GEMIN2: variants seen among roughly 807,000 people sequenced by gnomAD.
GEMIN2 encodes gem nuclear organelle associated protein 2.
Under a neutral mutation model 45.8 loss-of-function variants are expected in GEMIN2, and 37 were observed. The observed-to-expected ratio is 0.81, with a 90% CI of 0.62 to 1.06. The LOEUF (loss-of-function observed/expected upper bound fraction) is 1.06, where lower values mean the gene tolerates loss of function less well. GEMIN2 is among the 50% of genes least tolerant of loss of function. The pLI is 0.00. For synonymous variants in GEMIN2, 101 were observed against 111.5 expected (o/e 0.91, Z 0.60); for missense variants, 335 against 321.8 (o/e 1.04, Z -0.31).
rs17092058 is a variant in GEMIN2, at chr14:39,131,896, T to G, written c.601-62T>G. 8.8e-3 allele frequency: 7,137 copies of G among 808,316 alleles called. 323 individuals are homozygous for G. The African/African-American group carries it at 0.1, about 12-fold the overall frequency. The allele number at this position is 808,316 out of a possible 1,614,324, so 50.1% of individuals were successfully genotyped here. ...GATAATCAGGCATAACATTGGACAT[T>G]TAAAAAATAAACTTCTGGTTCAGTA... On this transcript the variant is annotated intron_variant, in intron 7 of 9. Transcript: ENST00000308317.
intron 4 of GEMIN2, among the ~76,000 whole-genome samples, chr14:39,121,067 C>T (rs1297854165): frequency 6.6e-6 from 1 of 152,310 alleles, no homozygotes; most frequent in African/African-American, 2.4e-5. Context: ...TTTGACTGGA[C>T]AACCCTTCAA....
chr14:39,133,467 ATAGTCT>A (rs1454756137), intron 8 of GEMIN2, among the ~76,000 whole-genome samples, 188 bp from the exon 9 acceptor site: 3 of 150,746 alleles, frequency 2.0e-5, no homozygotes, highest in Non-Finnish European at 4.4e-5. Context: ...TATTTAAAAG[ATAGTCT>A]TAGATGTTTC....
In GEMIN2 at chr14:39,133,360, G is replaced by A. The variant is rs567884731; in HGVS notation, c.712-301G>A. On this transcript the variant is annotated intron_variant, in intron 8 of 9. Transcript: ENST00000308317. ...TCATCACTGTACAGTTAAGACACAG[G>A]ATTCTTATTGTTCCTTTAGTAGGAA... 3.4e-5 allele frequency among the ~76,000 whole-genome samples: 5 copies of A among 148,546 alleles called. No homozygotes were observed. In the South Asian group the frequency reaches 8.4e-4, roughly 25 times the overall value.
rs2079241538 is a variant in GEMIN2 at position 39,114,886 on chromosome 14, G to C, written c.195G>C (p.Leu65Phe). ...VVVAQIDPKK[L>F]KRKQSVNISL... is the part of the protein sequence containing the mutation. ...TAGCTCAAATTGACCCAAAGAAGTTGAAAAGGAAGCAAAGTGTGAATATTT... is the reference window on the plus strand; with the variant it reads ...TAGCTCAAATTGACCCAAAGAAGTTCAAAAGGAAGCAAAGTGTGAATATTT... Residue 65 changes from leucine (L) to phenylalanine (F), a missense_variant, in exon 2 of 10, where the codon TTG becomes TTC. Transcript: ENST00000308317. The C allele has an allele frequency of 6.4e-7, 1 of 1,560,572 alleles. No homozygotes were observed. Among genetic ancestry groups the C allele is most frequent in the South Asian group, 1.1e-5 (1 of 90,000 alleles).
At chr14:39,121,456 C>T (rs1303815398) in intron 4 of GEMIN2, among the ~76,000 whole-genome samples, 1 of 152,146 alleles carries the variant, frequency 6.6e-6, no homozygotes, top group Non-Finnish European at 1.5e-5. Flanking sequence ...ATTATTTGAG[C>T]CCGAGATTCA....
intron 7 of GEMIN2, among the ~76,000 whole-genome samples, chr14:39,131,010 T>C (rs938693822): frequency 4.6e-5 from 7 of 151,098 alleles, no homozygotes; most frequent in South Asian, 4.2e-4. Flanking sequence ...TGAAAAAAGG[T>C]TGTACAGCCG....
chr14:39,129,611 C>T (rs2052689091), intron 7 of GEMIN2, among the ~76,000 whole-genome samples: 1 of 152,092 alleles, frequency 6.6e-6, no homozygotes, highest in African/African-American at 2.4e-5. Flanking sequence ...CAGGCTTTCT[C>T]CATGTTGGCC....
Position 39,136,569 on chromosome 14 carries a change from C to T in GEMIN2, c.*90C>T. 2 of 974,114 alleles carry T rather than the reference C, an allele frequency of 2.1e-6. No homozygotes were observed. Among genetic ancestry groups the T allele is most frequent in the Admixed American group, 1.8e-5 (1 of 56,816 alleles). The allele number at this position is 974,114 out of a possible 1,614,324, so 60.3% of individuals were successfully genotyped here. ...ATGCCAATTCAAGTACAGATTTCAACACATCTTCAACACTATGTGAAGGGT... is the reference window on the plus strand; with the variant it reads ...ATGCCAATTCAAGTACAGATTTCAATACATCTTCAACACTATGTGAAGGGT... On this transcript the variant is annotated 3_prime_UTR_variant, in exon 10 of 10. Coordinates refer to ENST00000308317, the MANE Select transcript of GEMIN2 (RefSeq NM_003616.3).
rs2052760361 is a variant in GEMIN2, at chr14:39,134,609, C to T, written c.770+890C>T. Among the ~76,000 whole-genome samples the T allele has an allele frequency of 2.0e-5, 3 of 152,116 alleles. No homozygotes were observed. In the South Asian group the frequency reaches 6.2e-4, roughly 31 times the overall value. The stretch of plus-strand genomic sequence containing the variant: ...ATTCAATATCTAGTTTCTTGATCTA[C>T]AATAATTATGCTGCTGATGATAATT... On this transcript the variant is annotated intron_variant, in intron 9 of 9. Transcript: ENST00000308317.
rs774990345 is a variant in GEMIN2 at position 39,114,401 on chromosome 14, G to A, written c.63G>A (p.Glu21=). 10 of 1,614,008 alleles carry A rather than the reference G, an allele frequency of 6.2e-6. No homozygotes were observed. The highest frequency in any genetic ancestry group is 1.3e-5 in the African/African-American group (1 of 75,054). ...TGATGCCTCGGCTATTGCCGGTAGA[G>A]CCTTGCGACTTGACGGAAGGTTTCG... ...EELMPRLLPV[E]PCDLTEGFDP... Residue 21 remains glutamate, a synonymous_variant, in exon 1 of 10, where the codon GAG becomes GAA. Coordinates refer to ENST00000308317, the MANE Select transcript of GEMIN2 (RefSeq NM_003616.3).
chr14:39,126,415 A>C (rs1470894992), intron 6 of GEMIN2, among the ~76,000 whole-genome samples: 1 of 151,986 alleles, frequency 6.6e-6, no homozygotes. Context: ...CCTGAGCTCA[A>C]GCGATCCTCC....
At chr14:39,130,438 T>C (rs2052701579) in intron 7 of GEMIN2, among the ~76,000 whole-genome samples, 1 of 152,182 alleles carries the variant, frequency 6.6e-6, no homozygotes, top group African/African-American at 2.4e-5. Context: ...TACAATCTGG[T>C]GATCATATCT....
At chr14:39,126,582 C>T (rs952037205) in intron 6 of GEMIN2, among the ~76,000 whole-genome samples, 1 of 152,140 alleles carries the variant, frequency 6.6e-6, no homozygotes, top group Non-Finnish European at 1.5e-5. Context: ...TACTAAATTC[C>T]ATCAGTGTCA....
intron 4 of GEMIN2, among the ~76,000 whole-genome samples, chr14:39,120,494 G>T (rs1433178574): frequency 6.6e-6 from 1 of 152,178 alleles, no homozygotes; most frequent in Non-Finnish European, 1.5e-5. Flanking sequence ...AGGATATTCA[G>T]TACTAACTGA....
At chr14:39,134,510 C>CA (rs2052759660) in intron 9 of GEMIN2, 1 of 152,144 alleles carries the variant, frequency 6.6e-6, no homozygotes, top group African/African-American at 2.4e-5. Context: ...ATTTCATTGC[C>CA]AGTACCTTTT....
At chr14:39,122,608 G>T in intron 5 of GEMIN2, 65 bp downstream of exon 5, 8 of 807,578 alleles carry the variant, frequency 9.9e-6, no homozygotes, top group South Asian at 1.6e-5. Flanking sequence ...TTAATATAAG[G>T]GGTCAGCAAA....
At chr14:39,117,001 A>G (rs2052516829) in intron 2 of GEMIN2, among the ~76,000 whole-genome samples, 1 of 152,126 alleles carries the variant, frequency 6.6e-6, no homozygotes, top group Non-Finnish European at 1.5e-5. Context: ...GGCTGGGCTT[A>G]GTGGCTCACA....
At chr14:39,114,578 T>A (rs893892563) in intron 1 of GEMIN2, 103 bp downstream of exon 1, 2 of 849,018 alleles carry the variant, frequency 2.4e-6, no homozygotes, top group Non-Finnish European at 3.7e-6. Flanking sequence ...AGTTCAGGTC[T>A]ATTCAGGATT....
intron 5 of GEMIN2, among the ~76,000 whole-genome samples, chr14:39,124,262 T>G (rs181717186): frequency 3.9e-5 from 6 of 152,300 alleles, no homozygotes; most frequent in Admixed American, 2.6e-4. Flanking sequence ...AAATTAGGTT[T>G]TAAAAATGTC....
Sources: allele counts gnomAD v4.1 joint callset (sites outside exome capture counted in the v4.1 genomes callset), GRCh38; gene constraint gnomAD v4.1.1; transcripts MANE v1.5; gene names NCBI Gene and HGNC (gene_info 2026-07-23, HGNC 2026-07-21).